LSAMP: variants seen among roughly 807,000 people sequenced by gnomAD.
The protein encoded by LSAMP is limbic system-associated membrane protein.
LSAMP carries 7 observed loss-of-function variants against 38.6 expected under a neutral mutation model. The ratio of observed to expected loss-of-function variants is 0.18; its 90% CI spans 0.10 to 0.34. The LOEUF is 0.34. Among genes scored for constraint, LSAMP ranks in the 10% least tolerant of loss-of-function variants. The pLI is 1.00. For missense variants in LSAMP, 313 were observed against 420.0 expected (o/e 0.75, Z 2.23); for synonymous variants, 154 against 166.8 (o/e 0.92, Z 0.59).
chr3:116,169,166 T>TC (rs1394395002), intron 1 of LSAMP, among the ~76,000 whole-genome samples: 1 of 152,148 alleles, frequency 6.6e-6, no homozygotes, highest in Non-Finnish European at 1.5e-5. Context: ...ATCACGCCAC[T>TC]CCATTCCAGC....
intron 3 of LSAMP, among the ~76,000 whole-genome samples, chr3:116,007,192 C>T (rs138368198): frequency 7.5e-4 from 114 of 152,286 alleles, no homozygotes; most frequent in African/African-American, 2.6e-3. Flanking sequence ...TTCACAGAGC[C>T]TCATGGGCTT....
At chr3:115,989,817 T>C (rs554592057) in intron 3 of LSAMP, among the ~76,000 whole-genome samples, 4 of 152,248 alleles carry the variant, frequency 2.6e-5, no homozygotes, top group African/African-American at 9.6e-5. Flanking sequence ...ATTGCTATTA[T>C]TAATGATAAA....
intron 2 of LSAMP, among the ~76,000 whole-genome samples, chr3:116,060,847 T>C (rs906019745): frequency 1.9e-4 from 29 of 151,830 alleles, no homozygotes; most frequent in Non-Finnish European, 3.4e-4. Flanking sequence ...GCACCTACAA[T>C]ACCTGAGGAA....
intron 1 of LSAMP, among the ~76,000 whole-genome samples, chr3:116,427,429 G>A (rs918232940): frequency 2.0e-5 from 3 of 152,328 alleles, no homozygotes; most frequent in African/African-American, 7.2e-5. Flanking sequence ...CCAAGACTCA[G>A]CTCTTTCATT....
chr3:115,824,260 G>A (rs1174588004), intron 6 of LSAMP, among the ~76,000 whole-genome samples: 1 of 152,190 alleles, frequency 6.6e-6, no homozygotes, highest in Non-Finnish European at 1.5e-5. Context: ...CTCAGGACTA[G>A]ACATGCAGTT....
chr3:116,013,637 T>C (rs914489077), intron 3 of LSAMP, among the ~76,000 whole-genome samples: 3 of 152,152 alleles, frequency 2.0e-5, no homozygotes, highest in Admixed American at 1.3e-4. Flanking sequence ...GCATATATAA[T>C]ATCAATATAC....
chr3:116,329,175 C>T (rs1220138068), intron 1 of LSAMP, among the ~76,000 whole-genome samples: 1 of 152,106 alleles, frequency 6.6e-6, no homozygotes, highest in African/African-American at 2.4e-5. Flanking sequence ...CTTTAATAAG[C>T]TCTGTGCTAA....
intron 3 of LSAMP, among the ~76,000 whole-genome samples, chr3:116,013,740 A>G (rs1407792932): frequency 6.6e-6 from 1 of 152,218 alleles, no homozygotes; most frequent in Non-Finnish European, 1.5e-5. Flanking sequence ...AAAGTAAAAG[A>G]AAAAGTGTGA....
intron 3 of LSAMP, among the ~76,000 whole-genome samples, chr3:115,877,136 T>A (rs1181517272): frequency 1.3e-5 from 2 of 152,196 alleles, no homozygotes; most frequent in African/African-American, 4.8e-5. Context: ...TAGGTGCCAC[T>A]TGGCTTGAGC....
chr3:116,419,962 T>A lies in LSAMP; in HGVS notation c.155+24915A>T, dbSNP rs188182230. Among the ~76,000 whole-genome samples the A allele has an allele frequency of 4.4e-4, 67 of 152,378 alleles. 1 individual carries two copies. The highest frequency in any genetic ancestry group is 1.4e-3 in the Admixed American group (22 of 15,310). ...AATTCTAAGTTTTGTTCCTATAACA[T>A]CTAAGTGACACTGTACCTATTCTTG... On this transcript the variant is annotated intron_variant, in intron 1 of 6. Transcript: ENST00000490035.
intron 3 of LSAMP, among the ~76,000 whole-genome samples, chr3:115,946,171 A>C (rs996334618): frequency 1.2e-4 from 18 of 152,196 alleles, no homozygotes; most frequent in African/African-American, 4.1e-4. Context: ...AATAAATACA[A>C]TACTGCATGA....
At chr3:115,858,689 A>G (rs1382843770) in intron 3 of LSAMP, among the ~76,000 whole-genome samples, 1 of 152,226 alleles carries the variant, frequency 6.6e-6, no homozygotes, top group East Asian at 1.9e-4. Context: ...AATGAAAAGC[A>G]AAGAACTAGA....
At chr3:116,209,060 G>A (rs183771653) in intron 1 of LSAMP, among the ~76,000 whole-genome samples, 5 of 152,192 alleles carry the variant, frequency 3.3e-5, no homozygotes, top group African/African-American at 7.2e-5. Context: ...AGACTCCTTG[G>A]GGGTAGGACC....
At chr3:116,088,662 A>G (rs1035951196) in intron 1 of LSAMP, among the ~76,000 whole-genome samples, 1 of 152,096 alleles carries the variant, frequency 6.6e-6, no homozygotes, top group Non-Finnish European at 1.5e-5. Context: ...TTCCCTGTGC[A>G]TGTTTCTCAC....
chr3:116,110,497 A>G (rs1037235403), intron 1 of LSAMP, among the ~76,000 whole-genome samples: 2 of 152,174 alleles, frequency 1.3e-5, no homozygotes, highest in African/African-American at 4.8e-5. Context: ...TTTTGGGTCC[A>G]CGGATAAAAC....
intron 1 of LSAMP, among the ~76,000 whole-genome samples, chr3:116,188,518 C>T (rs992531997): frequency 1.3e-5 from 2 of 152,126 alleles, no homozygotes; most frequent in Non-Finnish European, 2.9e-5. Context: ...TGACTCCATC[C>T]TCTTGACTTT....
chr3:116,194,542 C>T (rs1032724473), intron 1 of LSAMP, among the ~76,000 whole-genome samples: 8 of 152,098 alleles, frequency 5.3e-5, no homozygotes, highest in African/African-American at 1.2e-4. Context: ...CTGCAGGAGC[C>T]CGCCACCACG....
intron 1 of LSAMP, among the ~76,000 whole-genome samples, chr3:116,176,818 C>CT (rs1490727550): frequency 6.6e-6 from 1 of 152,130 alleles, no homozygotes; most frequent in East Asian, 1.9e-4. Context: ...ACATAAGTGA[C>CT]TTTCAAATGG....
At chr3:116,233,332 G>A (rs2046425712) in intron 1 of LSAMP, among the ~76,000 whole-genome samples, 1 of 136,048 alleles carries the variant, frequency 7.4e-6, no homozygotes, top group Non-Finnish European at 1.5e-5. Context: ...AGAATGGCGT[G>A]AACCCAGGAG....
Sources: allele counts gnomAD v4.1 joint callset (sites outside exome capture counted in the v4.1 genomes callset), GRCh38; gene constraint gnomAD v4.1.1; transcripts MANE v1.5; gene names NCBI Gene and HGNC (gene_info 2026-07-23, HGNC 2026-07-21).